The following TENM3 variants were observed in gnomAD, a reference collection of about 807,000 sequenced individuals.
TENM3 encodes the protein teneurin transmembrane protein 3.
Under a neutral mutation model 255.1 loss-of-function variants are expected in TENM3, and 63 were observed. That is an observed-to-expected ratio of 0.25 (90% CI 0.20 to 0.30). The LOEUF is 0.30. TENM3 is among the 10% of genes least tolerant of loss of function. The probability of loss-of-function intolerance (pLI) is 1.00; values close to 1 mark genes in which losing one functional copy is unlikely to be tolerated. For synonymous variants in TENM3, 1,306 were observed against 1,322.3 expected, an observed-to-expected ratio of 0.99 and a Z score of 0.27; for missense variants, 2,929 against 3,461.1, an observed-to-expected ratio of 0.85 and a Z score of 3.86.
chr4:181,763,100 T>G, the TENM3 span, among the ~76,000 whole-genome samples: 1 of 152,226 alleles, frequency 6.6e-6, no homozygotes, highest in African/African-American at 2.4e-5. Context: ...CAAGGACTAT[T>G]TATATTTGAA....
chr4:181,643,239 G>A, the TENM3 span, among the ~76,000 whole-genome samples: 3 of 152,142 alleles, frequency 2.0e-5, no homozygotes, highest in Non-Finnish European at 4.4e-5. Flanking sequence ...TTCCTTGTAA[G>A]TTGTATTGCT....
chr4:181,579,911 G>A, the TENM3 span, among the ~76,000 whole-genome samples: 1 of 151,566 alleles, frequency 6.6e-6, no homozygotes, highest in Admixed American at 6.6e-5. Context: ...TGCCACTATG[G>A]TTCTCTAGGA....
chr4:182,547,346 G>T (rs531267598), intron 3 of TENM3, among the ~76,000 whole-genome samples: 2 of 152,204 alleles, frequency 1.3e-5, no homozygotes, highest in Non-Finnish European at 2.9e-5. Context: ...TTGAGAAATT[G>T]TTTATGTGCT....
At chr4:182,499,220 C>T (rs1580751435) in intron 3 of TENM3, among the ~76,000 whole-genome samples, 1 of 152,248 alleles carries the variant, frequency 6.6e-6, no homozygotes, top group South Asian at 2.1e-4. Context: ...TGAACAATGT[C>T]ACTAAAATTG....
At chr4:182,696,944 T>A (rs1757473025) in intron 12 of TENM3, among the ~76,000 whole-genome samples, 1 of 141,698 alleles carries the variant, frequency 7.1e-6, no homozygotes, top group Non-Finnish European at 1.6e-5. Context: ...ACTTCATATC[T>A]GTATGATCTT....
chr4:181,825,255 G>T, the TENM3 span, among the ~76,000 whole-genome samples: 1 of 151,986 alleles, frequency 6.6e-6, no homozygotes, highest in Non-Finnish European at 1.5e-5. Context: ...ACAAAAATTG[G>T]CTGGTTGTGT....
At chr4:182,546,483 C>G (rs1380054770) in intron 3 of TENM3, among the ~76,000 whole-genome samples, 1 of 151,982 alleles carries the variant, frequency 6.6e-6, no homozygotes, top group East Asian at 1.9e-4. Flanking sequence ...TTTATCCAGA[C>G]TGGAGTTTGT....
chr4:181,707,036 T>G, the TENM3 span, among the ~76,000 whole-genome samples: 11 of 152,182 alleles, frequency 7.2e-5, no homozygotes, highest in Non-Finnish European at 1.6e-4. Flanking sequence ...ATGGAAGTAC[T>G]AGACTGCAGG....
the TENM3 span, among the ~76,000 whole-genome samples, chr4:181,959,656 GA>G: frequency 2.0e-5 from 3 of 152,038 alleles, no homozygotes; most frequent in African/African-American, 7.2e-5. Context: ...TGGGAGGGGG[GA>G]CATCTTACAT....
At chr4:181,715,292 C>A in the TENM3 span, among the ~76,000 whole-genome samples, 1 of 152,120 alleles carries the variant, frequency 6.6e-6, no homozygotes, top group Non-Finnish European at 1.5e-5. Context: ...TCAAATGTTG[C>A]ACATTTGAGC....
the TENM3 span, among the ~76,000 whole-genome samples, chr4:181,693,120 C>G: frequency 5.9e-5 from 9 of 152,134 alleles, no homozygotes; most frequent in African/African-American, 2.2e-4. Context: ...ATGTACCAGA[C>G]CCTTCAGTCA....
the TENM3 span, among the ~76,000 whole-genome samples, chr4:181,622,268 C>A: frequency 2.6e-5 from 4 of 152,166 alleles, no homozygotes; most frequent in African/African-American, 9.7e-5. Flanking sequence ...TTTCCCTTTC[C>A]TCTCACCCTT....
chr4:182,349,324 A>G (rs1765027244), intron 3 of TENM3, among the ~76,000 whole-genome samples: 1 of 152,228 alleles, frequency 6.6e-6, no homozygotes, highest in Admixed American at 6.5e-5. Context: ...CTTAATGAAT[A>G]CTGGCTATTG....
the TENM3 span, among the ~76,000 whole-genome samples, chr4:181,955,788 T>C: frequency 6.6e-6 from 1 of 152,162 alleles, no homozygotes; most frequent in Non-Finnish European, 1.5e-5. Flanking sequence ...GGGTCACTGC[T>C]AGATAATTAA....
In TENM3 at chr4:182,274,459, C is replaced by A. The variant is rs181061881; in HGVS notation, c.-76+30983C>A. Among the ~76,000 whole-genome samples, 170 of 152,252 alleles carry A rather than the reference C, an allele frequency of 1.1e-3. 3 individuals carry two copies. The highest frequency in any genetic ancestry group is 1.9e-4 in the Non-Finnish European group (13 of 68,030). ...AAAGATGTCCTTGGCAGCTTTGTCACCTTCAGTGATGACTGTTCAGAGGCA... is the reference window on the plus strand; with the variant it reads ...AAAGATGTCCTTGGCAGCTTTGTCAACTTCAGTGATGACTGTTCAGAGGCA... On this transcript the variant is annotated intron_variant, in intron 1 of 27. Coordinates refer to ENST00000511685, the MANE Select transcript of TENM3 (RefSeq NM_001080477.4).
At chr4:181,921,205 T>G in the TENM3 span, among the ~76,000 whole-genome samples, 6 of 152,202 alleles carry the variant, frequency 3.9e-5, no homozygotes, top group African/African-American at 1.4e-4. Context: ...TAGGATTGAC[T>G]TGGCAGTGCG....
At chr4:182,324,870 G>T (rs758168698) in intron 2 of TENM3, among the ~76,000 whole-genome samples, 1 of 152,114 alleles carries the variant, frequency 6.6e-6, no homozygotes, top group South Asian at 2.1e-4. Context: ...GGTCATTCGC[G>T]TCTATCTGTT....
intron 3 of TENM3, among the ~76,000 whole-genome samples, chr4:182,529,735 A>C (rs1019629506): frequency 4.6e-5 from 7 of 151,948 alleles, no homozygotes; most frequent in Admixed American, 4.6e-4. Context: ...TTCAACACCA[A>C]TTTATGGGCT....
chr4:181,890,929 T>C, the TENM3 span, among the ~76,000 whole-genome samples: 1 of 152,196 alleles, frequency 6.6e-6, no homozygotes, highest in African/African-American at 2.4e-5. Context: ...TCAGTAAAAA[T>C]AATGGAACTA....
Sources: gnomAD v4.1 joint callset for allele counts (sites outside exome capture counted in the v4.1 genomes callset) on GRCh38, gnomAD v4.1.1 for gene constraint, MANE v1.5 for transcripts, NCBI Gene and HGNC (gene_info 2026-07-23, HGNC 2026-07-21) for gene names.